The following OSBPL1A variants were observed in gnomAD, a reference collection of about 807,000 sequenced individuals.
OSBPL1A encodes the protein oxysterol-binding protein-related protein 1.
In OSBPL1A, 80 loss-of-function variants were observed where a neutral mutation model predicts 137.1. The observed-to-expected ratio is 0.58, with a 90% CI of 0.49 to 0.70. The LOEUF (loss-of-function observed/expected upper bound fraction) is 0.70, where lower values mean the gene tolerates loss of function less well. OSBPL1A is among the 30% of genes least tolerant of loss of function. The probability of loss-of-function intolerance (pLI) is 0.00; values close to 1 mark genes in which losing one functional copy is unlikely to be tolerated. For synonymous variants in OSBPL1A, 365 were observed against 389.7 expected, an observed-to-expected ratio of 0.94 and a Z score of 0.75; for missense variants, 970 against 1,129.4, an observed-to-expected ratio of 0.86 and a Z score of 2.02.
intron 4 of OSBPL1A, among the ~76,000 whole-genome samples, chr18:24,360,527 T>C (rs929932211): frequency 8.5e-5 from 13 of 152,216 alleles, no homozygotes; most frequent in Non-Finnish European, 1.0e-4. Flanking sequence ...TAATGTTTCC[T>C]ACATAACACA....
intron 15 of OSBPL1A, among the ~76,000 whole-genome samples, chr18:24,273,372 G>A (rs1315968167): frequency 6.6e-6 from 1 of 152,312 alleles, no homozygotes; most frequent in Non-Finnish European, 1.5e-5. Flanking sequence ...TAAAAGTAGT[G>A]CTAGGTAGCA....
chr18:24,322,206 T>A (rs2090875792), intron 7 of OSBPL1A, among the ~76,000 whole-genome samples: 1 of 149,388 alleles, frequency 6.7e-6, no homozygotes, highest in African/African-American at 2.5e-5. Flanking sequence ...GCCTCCCGGG[T>A]TCATGCTATT....
Position 24,271,559 on chromosome 18 carries a change from C to G in OSBPL1A, c.1281+9283G>C. ...TGGCCGCCCTCCCCGCTCCGTCCCC[C>G]GGCGTCCTCCGTGGCCCCAGGCTGC... On this transcript the variant is annotated intron_variant, in intron 15 of 27. Transcript: ENST00000319481. The surrounding 1 kb of genome is among the most constrained non-coding windows in gnomAD (Gnocchi z 4.0). 1 of 987,246 alleles carries G rather than the reference C, an allele frequency of 1.0e-6. No homozygotes were observed. 61.2% of individuals were successfully genotyped at this position (987,246 alleles called of 1,614,324 possible). A position where few individuals can be genotyped will look rare whatever the true frequency, so the allele number is the denominator to read the frequency against.
intron 2 of OSBPL1A, among the ~76,000 whole-genome samples, chr18:24,376,211 G>A (rs1312841536): frequency 2.0e-5 from 3 of 152,166 alleles, no homozygotes; most frequent in Non-Finnish European, 4.4e-5. Context: ...CGAGTGGTCT[G>A]TTTTGACAGG....
At chr18:24,333,473 T>C (rs1281852385) in intron 6 of OSBPL1A, among the ~76,000 whole-genome samples, 1 of 152,226 alleles carries the variant, frequency 6.6e-6, no homozygotes, top group East Asian at 1.9e-4. Context: ...AAACCATAAA[T>C]GTTAAATGTG....
chr18:24,386,607 G>C (rs923017604), intron 1 of OSBPL1A, among the ~76,000 whole-genome samples: 2 of 152,132 alleles, frequency 1.3e-5, no homozygotes, highest in Admixed American at 6.5e-5. Flanking sequence ...GAAAGGAATG[G>C]CAGGGGTGGG....
intron 15 of OSBPL1A, among the ~76,000 whole-genome samples, chr18:24,244,173 A>T (rs2088809517): frequency 6.6e-6 from 1 of 152,228 alleles, no homozygotes; most frequent in African/African-American, 2.4e-5. Flanking sequence ...GTGTAACAGA[A>T]ACAGTGCCTT....
At chr18:24,249,542 C>T (rs1199772287) in intron 15 of OSBPL1A, among the ~76,000 whole-genome samples, 1 of 152,222 alleles carries the variant, frequency 6.6e-6, no homozygotes, top group Non-Finnish European at 1.5e-5. Context: ...GAATCACCAA[C>T]ACCAACCCTC....
chr18:24,166,845 A>C (rs962193481), intron 25 of OSBPL1A, 143 bp from the exon 26 acceptor site: 1 of 849,790 alleles, frequency 1.2e-6, no homozygotes, highest in Non-Finnish European at 1.7e-6. Flanking sequence ...GATCACACGT[A>C]TCTAAATGTT....
intron 14 of OSBPL1A, among the ~76,000 whole-genome samples, chr18:24,297,847 G>A (rs1205614259): frequency 1.3e-5 from 2 of 152,132 alleles, no homozygotes; most frequent in African/African-American, 4.8e-5. Context: ...GTGCTAATGA[G>A]AAGAATGTAT....
intron 25 of OSBPL1A, 97 bp from the exon 26 acceptor site, chr18:24,166,799 C>G: frequency 1.6e-6 from 2 of 1,243,220 alleles, no homozygotes; most frequent in South Asian, 3.0e-5. Context: ...ACAATGACCC[C>G]CTCCCTTTCA....
In OSBPL1A at chr18:24,181,270, T is replaced by G; in HGVS notation, c.1687A>C (p.Lys563Gln). The change falls in exon 19 of 28, where the codon AAG (lysine) becomes CAG (glutamine). Residue 563 changes from lysine to glutamine, a missense_variant. Physicochemically the swap from Lys to Gln is moderately conservative, Grantham distance 53. Transcript: ENST00000319481. Reference sequence around the variant, plus strand: ...TTAAATATAACTGGCATCGTGATCTTGGATAGTTCCTATTTAACCAGAAAA... The same window carrying G: ...TTAAATATAACTGGCATCGTGATCTGGGATAGTTCCTATTTAACCAGAAAA... ...LRKCIGMELSKITMPVIFNEP... is the reference protein window; with the variant it reads ...LRKCIGMELSQITMPVIFNEP... 6.2e-7 allele frequency: 1 copy of G among 1,614,104 alleles called. No individual in the cohort carries two copies. The highest frequency in any genetic ancestry group is 2.2e-5 in the East Asian group (1 of 44,884).
intron 19 of OSBPL1A, 35 bp from the exon 20 acceptor site, chr18:24,179,870 G>A (rs779509505): frequency 9.7e-6 from 15 of 1,542,372 alleles, no homozygotes; most frequent in Non-Finnish European, 1.3e-5. Context: ...GTCAAAAATA[G>A]CCGAGCTCGC....
intron 14 of OSBPL1A, among the ~76,000 whole-genome samples, chr18:24,285,003 T>C (rs1378762438): frequency 3.9e-5 from 6 of 152,148 alleles, no homozygotes; most frequent in Non-Finnish European, 8.8e-5. Flanking sequence ...AAGGTTGCAA[T>C]GAGCTATGAC....
chr18:24,284,841 A>C (rs749417981), intron 14 of OSBPL1A, among the ~76,000 whole-genome samples: 1 of 152,220 alleles, frequency 6.6e-6, no homozygotes, highest in Non-Finnish European at 1.5e-5. Flanking sequence ...TCCCTACTTG[A>C]CAAAAAAAAC....
intron 1 of OSBPL1A, among the ~76,000 whole-genome samples, chr18:24,382,351 G>A (rs1906655375): frequency 6.7e-6 from 1 of 148,624 alleles, no homozygotes. Context: ...AGCTTGCAGT[G>A]AGCTGAGATT....
intron 5 of OSBPL1A, among the ~76,000 whole-genome samples, chr18:24,337,029 A>G (rs1297451472): frequency 6.6e-6 from 1 of 152,230 alleles, no homozygotes; most frequent in Non-Finnish European, 1.5e-5. Flanking sequence ...CATCACCAAT[A>G]ATGAAACAAA....
chr18:24,286,690 T>C (rs1406385559), intron 14 of OSBPL1A, among the ~76,000 whole-genome samples: 1 of 152,234 alleles, frequency 6.6e-6, no homozygotes, highest in African/African-American at 2.4e-5. Flanking sequence ...CATTTTTGTA[T>C]TGCTAAATAT....
At chr18:24,169,720 T>C (rs1476867440) in intron 24 of OSBPL1A, among the ~76,000 whole-genome samples, 1 of 152,174 alleles carries the variant, frequency 6.6e-6, no homozygotes, top group Non-Finnish European at 1.5e-5. Context: ...GGTGCAGTCC[T>C]CGAGCATTTA....
Sources: allele counts gnomAD v4.1 joint callset (sites outside exome capture counted in the v4.1 genomes callset), GRCh38; gene constraint gnomAD v4.1.1; non-coding constraint Gnocchi (gnomAD v3.1); transcripts MANE v1.5; gene names NCBI Gene and HGNC (gene_info 2026-07-23, HGNC 2026-07-21).